The following MYO7A variants were observed in gnomAD, a reference collection of about 807,000 sequenced individuals.
MYO7A encodes the protein unconventional myosin-VIIa.
Under a neutral mutation model 263.8 loss-of-function variants are expected in MYO7A, and 210 were observed. The observed-to-expected ratio is 0.80, with a 90% CI of 0.71 to 0.89. The LOEUF is 0.89. Among genes scored for constraint, MYO7A ranks in the 40% least tolerant of loss-of-function variants. The pLI is 0.00. For synonymous variants in MYO7A, 1,239 were observed against 1,197.3 expected (o/e 1.03, Z -0.72); for missense variants, 2,820 against 2,968.3 (o/e 0.95, Z 1.16).
chr11:77,191,413 C>A (rs1020506445), intron 30 of MYO7A, among the ~76,000 whole-genome samples: 1 of 152,228 alleles, frequency 6.6e-6, no homozygotes, highest in Non-Finnish European at 1.5e-5. Flanking sequence ...TCCTCAGGCC[C>A]AGTGAATCCT....
Position 77,158,285 on chromosome 11 carries a change from C to T in MYO7A, c.858C>T (p.Cys286=). The change falls in exon 9 of 49, where the codon TGC becomes TGT. Residue 286 remains cysteine (C), a synonymous_variant. Coordinates refer to ENST00000409709, the MANE Select transcript of MYO7A (RefSeq NM_000260.4). ...CCCACCCTGCCCACCAGGGTAACTG[C>T]ATAACCTGTGAGGGCCGGGTGGACA... The part of the protein sequence containing the change: ...SDYNYLAMGN[C]ITCEGRVDSQ... 3 of 1,605,558 alleles carry T rather than the reference C, an allele frequency of 1.9e-6. No individual in the cohort carries two copies. The highest frequency in any genetic ancestry group is 1.7e-5 in the Admixed American group (1 of 59,652).
Position 77,155,914 on chromosome 11 carries a change from C to T in MYO7A, c.293C>T (p.Thr98Met), listed in dbSNP as rs1434564086. Residue 98 changes from threonine (T) to methionine (M), a missense_variant, in exon 5 of 49, where the codon ACG (threonine) becomes ATG (methionine). Physicochemically the swap from Thr to Met is moderately conservative, Grantham distance 81. Transcript: ENST00000409709. Reference protein sequence around the residue: ...RYRDHLIYTYTGSILVAVNPY... With the variant: ...RYRDHLIYTYMGSILVAVNPY... ...ATCTCTTGCTGCCCGCAGACGTATA[C>T]GGGCTCCATCCTGGTGGCTGTGAAC... 7 of 1,600,874 alleles carry T rather than the reference C, an allele frequency of 4.4e-6. No individual in the cohort carries two copies. The highest frequency in any genetic ancestry group is 4.5e-5 in the East Asian group (2 of 44,448).
Position 77,156,738 on chromosome 11 carries a change from G to T in MYO7A, c.549G>T (p.Ser183=). The T allele has an allele frequency of 6.2e-7, 1 of 1,614,020 alleles. No individual in the cohort carries two copies. Among genetic ancestry groups the T allele is most frequent in the East Asian group, 2.2e-5 (1 of 44,868 alleles). The part of the protein sequence containing the change: ...QFLAAISGQH[S]WIEQQVLEAT... ...TGGCAGCCATCAGTGGGCAGCACTC[G>T]TGGATTGAGCAGCAGGTCTTGGAGG... Residue 183 remains serine, a synonymous_variant, in exon 6 of 49, where the codon TCG becomes TCT. Transcript: ENST00000409709.
rs876657417 is a variant in MYO7A at position 77,213,978 on chromosome 11, T to C, written c.6557T>C (p.Leu2186Pro). The C allele has an allele frequency of 6.2e-7, 1 of 1,614,026 alleles. No homozygotes were observed. Among genetic ancestry groups the C allele is most frequent in the Non-Finnish European group, 8.5e-7 (1 of 1,179,890 alleles). ...AGCAAACTGCTCTGCGAGACGTCAC[T>C]GGTGAGGGCGCATCCTGCTGGGCCT... ...RGSKLLCETS[L>P]GYKMDDLLTS... The change falls in exon 48 of 49, where the codon CTG becomes CCG. Residue 2186 changes from leucine (L) to proline (P), a missense_variant and splice_region_variant. Leu to Pro is a moderately conservative substitution (Grantham distance 98, BLOSUM62 -3). Coordinates refer to ENST00000409709, the MANE Select transcript of MYO7A (RefSeq NM_000260.4).
intron 19 of MYO7A, among the ~76,000 whole-genome samples, chr11:77,178,192 C>A (rs114515322): frequency 3.5e-4 from 1 of 2,874 alleles, no homozygotes; most frequent in Admixed American, 0.01. Context: ...CACCCACCTA[C>A]CCATCCATCC....
intron 16 of MYO7A, among the ~76,000 whole-genome samples, chr11:77,173,336 A>G (rs1006259137): frequency 6.6e-6 from 1 of 152,106 alleles, no homozygotes; most frequent in Non-Finnish European, 1.5e-5. Flanking sequence ...CAGCTCAACC[A>G]CCACCTCCTC....
At chr11:77,213,827 C>G (rs2135802268) in intron 47 of MYO7A, 33 bp from the exon 48 acceptor site, 1 of 1,613,778 alleles carries the variant, frequency 6.2e-7, no homozygotes, top group Middle Eastern at 1.6e-4. Context: ...AGGGCCCAGG[C>G]CGTGCCTCTC....
chr11:77,205,471 G>C lies in MYO7A; in HGVS notation c.5490G>C (p.Glu1830Asp). 2 of 1,573,288 alleles carry C rather than the reference G, an allele frequency of 1.3e-6. No homozygotes were observed. Among genetic ancestry groups the C allele is most frequent in the Non-Finnish European group, 1.7e-6 (2 of 1,159,882 alleles). The change falls in exon 40 of 49, where the codon GAG becomes GAC. Residue 1830 changes from glutamate to aspartate, a missense_variant. Transcript: ENST00000409709. The stretch of plus-strand genomic sequence containing the variant: ...ACGCCTCCTCCTGCAGGTACAGCGA[G>C]GAGCGGGGTTGGGAGCTGCTCTGGC... ...QLTDNHIRYS[E>D]ERGWELLWLC... is the part of the protein sequence containing the mutation.
chr11:77,182,432 G>A lies in MYO7A; in HGVS notation c.3117G>A (p.Leu1039=), dbSNP rs1955317878. 1 of 1,605,332 alleles carries A rather than the reference G, an allele frequency of 6.2e-7. No homozygotes were observed. ...TGCGCGCTCTGCCCCAGGCAGCCCTGGCGGTCTGGATCACCATCCTCCGCT... is the reference window on the plus strand; with the variant it reads ...TGCGCGCTCTGCCCCAGGCAGCCCTAGCGGTCTGGATCACCATCCTCCGCT... The part of the protein sequence containing the change: ...HDDEGDQLAA[L]AVWITILRFM... Residue 1039 remains leucine (L), a synonymous_variant, in exon 25 of 49, where the codon CTG becomes CTA. Transcript: ENST00000409709.
At chr11:77,204,379 G>C (rs1957294003) in intron 39 of MYO7A, 150 bp downstream of exon 39, 1 of 1,157,710 alleles carries the variant, frequency 8.6e-7, no homozygotes, top group South Asian at 1.6e-5. Flanking sequence ...TCACATCCTA[G>C]CTTGGCCCCA....
At chr11:77,147,756 C>G (rs782570129) in intron 3 of MYO7A, 42 bp from the exon 4 acceptor site, 2 of 1,600,080 alleles carry the variant, frequency 1.2e-6, no homozygotes, top group Non-Finnish European at 1.7e-6. Context: ...AGTGCGCAGC[C>G]TGGGCCCCAG....
At chr11:77,187,419 CTG>C (rs1955727715) in intron 27 of MYO7A, among the ~76,000 whole-genome samples, 1 of 152,192 alleles carries the variant, frequency 6.6e-6, no homozygotes, top group Admixed American at 6.5e-5. Flanking sequence ...GCTATGAAAA[CTG>C]TGTAGCACCA....
chr11:77,149,101 C>T (rs1227618896), intron 4 of MYO7A, among the ~76,000 whole-genome samples: 1 of 152,212 alleles, frequency 6.6e-6, no homozygotes, highest in East Asian at 1.9e-4. Context: ...GAAACTGAGA[C>T]TCCACAGGTT....
At position 77,211,202 on chromosome 11, in the gene MYO7A, G is replaced by A. The variant is rs1265821797; in HGVS notation, c.6102G>A (p.Val2034=). The change falls in exon 45 of 49, where the codon GTG becomes GTA. Residue 2034 remains valine (V), a synonymous_variant. Coordinates refer to ENST00000409709, the MANE Select transcript of MYO7A (RefSeq NM_000260.4). ...ACCACAAGTGCACGCGGGAGGAGGT[G>A]CTGCAGCTGGGGGCGCTGATCTACA... The part of the protein sequence containing the change: ...RGYHKCTREE[V]LQLGALIYRV... The A allele has an allele frequency of 1.3e-6, 2 of 1,593,154 alleles. No homozygotes were observed. The highest frequency in any genetic ancestry group is 1.8e-5 in the Admixed American group (1 of 57,136).
At chr11:77,137,570 G>C (rs907074087) in intron 2 of MYO7A, among the ~76,000 whole-genome samples, 2 of 152,198 alleles carry the variant, frequency 1.3e-5, no homozygotes, top group African/African-American at 4.8e-5. Flanking sequence ...GGACCCTCGG[G>C]ATGGGACGGT....
chr11:77,194,444 A>C lies in MYO7A; in HGVS notation c.4243A>C (p.Thr1415Pro). The change falls in exon 32 of 49, where the codon ACC becomes CCC. Residue 1415 changes from threonine to proline, a missense_variant. Thr to Pro is a conservative substitution (Grantham distance 38). Coordinates refer to ENST00000409709, the MANE Select transcript of MYO7A (RefSeq NM_000260.4). ...ILERLLNLVP[T>P]YIPDREITPL... ...GGAGCGCCTCCTGAACCTCGTGCCCACCTACATCCCCGACCGCGAGATCAC... is the reference window on the plus strand; with the variant it reads ...GGAGCGCCTCCTGAACCTCGTGCCCCCCTACATCCCCGACCGCGAGATCAC... 6.2e-7 allele frequency: 1 copy of C among 1,611,620 alleles called. No homozygotes were observed. Among genetic ancestry groups the C allele is most frequent in the Non-Finnish European group, 8.5e-7 (1 of 1,178,962 alleles).
Position 77,134,639 on chromosome 11 carries a change from G to A in MYO7A, c.18+3987G>A, listed in dbSNP as rs527312640. 2.0e-5 allele frequency among the ~76,000 whole-genome samples: 3 copies of A among 151,694 alleles called. 1 individual carries two copies. The South Asian group carries it at 6.3e-4, about 32-fold the overall frequency. ...CCTATCACTGTGCCTGGTTAAATAT[G>A]ACTTTTCTATTTATCTATGTAAGTG... On this transcript the variant is annotated intron_variant, in intron 2 of 48. Transcript: ENST00000409709.
chr11:77,158,175 C>T, intron 8 of MYO7A, 102 bp from the exon 9 acceptor site: 3 of 1,359,342 alleles, frequency 2.2e-6, no homozygotes, highest in Non-Finnish European at 2.9e-6. Context: ...GCTGGCCTGG[C>T]CTGTCAGGCA....
At chr11:77,204,390 A>G (rs1017100208) in intron 39 of MYO7A, among the ~76,000 whole-genome samples, 161 bp downstream of exon 39, 7 of 152,198 alleles carry the variant, frequency 4.6e-5, no homozygotes, top group African/African-American at 1.2e-4. Context: ...CTTGGCCCCA[A>G]CGCCCAAGGA....
Sources: gnomAD v4.1 joint callset for allele counts (sites outside exome capture counted in the v4.1 genomes callset) on GRCh38, gnomAD v4.1.1 for gene constraint, MANE v1.5 for transcripts, NCBI Gene and HGNC (gene_info 2026-07-23, HGNC 2026-07-21) for gene names.